CTNNA3: variants seen among roughly 807,000 people sequenced by gnomAD.
CTNNA3 encodes catenin alpha 3, also known as catenin alpha-3.
In CTNNA3, 76 loss-of-function variants were observed where a neutral mutation model predicts 95.7. The observed-to-expected ratio is 0.79, with a 90% CI of 0.66 to 0.96. CTNNA3 has a LOEUF of 0.96. Ranked by LOEUF, CTNNA3 falls within the 40% of genes least tolerant of loss-of-function variation. The pLI, the probability that CTNNA3 is intolerant of heterozygous loss-of-function variation, is 0.00. For missense variants in CTNNA3, 1,191 were observed against 1,089.8 expected (o/e 1.09, Z -1.31); for synonymous variants, 431 against 374.4 (o/e 1.15, Z -1.74).
chr10:67,182,554 C>T lies in CTNNA3; in HGVS notation c.844-2034G>A, dbSNP rs536115938. Among the ~76,000 whole-genome samples, 4 of 152,150 alleles carry T rather than the reference C, an allele frequency of 2.6e-5. No homozygotes were observed. The South Asian group carries it at 8.3e-4, about 32-fold the overall frequency. ...AAATTAATTCAAGAAGGATTAAAGA[C>T]TTACATGTTAGACCTAAAACCATAA... On this transcript the variant is annotated intron_variant, in intron 6 of 17. Transcript: ENST00000433211.
chr10:66,567,413 G>A (rs1402927974), intron 10 of CTNNA3, among the ~76,000 whole-genome samples: 1 of 152,072 alleles, frequency 6.6e-6, no homozygotes, highest in Non-Finnish European at 1.5e-5. Context: ...GAGCCCAGGA[G>A]TTTAAGACCA....
intron 3 of CTNNA3, among the ~76,000 whole-genome samples, chr10:67,585,607 T>C (rs1842597876): frequency 6.6e-6 from 1 of 152,166 alleles, no homozygotes; most frequent in South Asian, 2.1e-4. Context: ...CTAGGTTTTC[T>C]AGTGTGTGAG....
chr10:67,725,725 A>C (rs1023307673), intron 1 of CTNNA3, among the ~76,000 whole-genome samples: 2 of 151,758 alleles, frequency 1.3e-5, no homozygotes, highest in Non-Finnish European at 2.9e-5. Flanking sequence ...CTTATGCCAA[A>C]ACCTATGTTC....
chr10:66,318,306 GTA>G (rs1257511294), intron 12 of CTNNA3, among the ~76,000 whole-genome samples: 3 of 151,054 alleles, frequency 2.0e-5, no homozygotes, highest in Middle Eastern at 3.4e-3. Context: ...GTGTGTGTGT[GTA>G]TGTGTGCACG....
intron 5 of CTNNA3, among the ~76,000 whole-genome samples, chr10:67,420,825 TTTC>T (rs1845722313): frequency 6.6e-6 from 1 of 152,176 alleles, no homozygotes; most frequent in Non-Finnish European, 1.5e-5. Context: ...AAAATAGTTG[TTTC>T]TTATTATTGA....
intron 1 of CTNNA3, among the ~76,000 whole-genome samples, chr10:67,762,786 C>T (rs1349956045): frequency 6.6e-6 from 1 of 152,186 alleles, no homozygotes; most frequent in Non-Finnish European, 1.5e-5. Flanking sequence ...CGACCCCTGA[C>T]CTAATCAGTT....
At chr10:67,299,903 G>C (rs1207411660) in intron 5 of CTNNA3, among the ~76,000 whole-genome samples, 1 of 152,140 alleles carries the variant, frequency 6.6e-6, no homozygotes, top group Non-Finnish European at 1.5e-5. Context: ...GAATTTTTCT[G>C]CCTATATATG....
intron 3 of CTNNA3, among the ~76,000 whole-genome samples, chr10:67,568,465 ATGTG>A (rs61162014): frequency 0.041 from 6,079 of 150,096 alleles, 270 homozygotes; most frequent in African/African-American, 0.1. Flanking sequence ...GTATATATAT[ATGTG>A]TGTGTGTGTG....
At position 67,539,625 on chromosome 10, in the gene CTNNA3, A is replaced by C; in HGVS notation, c.337T>G (p.Cys113Gly). 1 of 1,613,794 alleles carries C rather than the reference A, an allele frequency of 6.2e-7. No homozygotes were observed. Among genetic ancestry groups the C allele is most frequent in the Non-Finnish European group, 8.5e-7 (1 of 1,179,764 alleles). Residue 113 changes from cysteine (C) to glycine (G), a missense_variant, in exon 4 of 18, where the codon TGT (cysteine) becomes GGT (glycine). Coordinates refer to ENST00000433211, the MANE Select transcript of CTNNA3 (RefSeq NM_013266.4). Reference protein sequence around the residue: ...VSAERFTDDPCFLPKREAVVQ... With the variant: ...VSAERFTDDPGFLPKREAVVQ... ...ACAGCCTCCCTTTTTGGGAGAAAAC[A>C]GGGGTCATCTGTAAATCTCTCAGCT... is the stretch of plus-strand genomic sequence containing the variant.
chr10:67,216,964 C>T (rs530507385), intron 6 of CTNNA3, among the ~76,000 whole-genome samples: 9 of 152,166 alleles, frequency 5.9e-5, no homozygotes, highest in African/African-American at 1.9e-4. Context: ...TCCAATAAAT[C>T]AATTGATTTA....
chr10:67,348,695 A>G (rs1441946761), intron 5 of CTNNA3, among the ~76,000 whole-genome samples: 2 of 152,158 alleles, frequency 1.3e-5, no homozygotes, highest in Non-Finnish European at 2.9e-5. Context: ...CAAGGACAGC[A>G]CCAAGATTTT....
chr10:66,292,225 C>T (rs1422130178), intron 12 of CTNNA3, among the ~76,000 whole-genome samples: 1 of 152,034 alleles, frequency 6.6e-6, no homozygotes, highest in Non-Finnish European at 1.5e-5. Context: ...ATCAATCAAT[C>T]ACTATGTCCT....
At chr10:66,429,031 A>G (rs2093271046) in intron 11 of CTNNA3, among the ~76,000 whole-genome samples, 1 of 152,086 alleles carries the variant, frequency 6.6e-6, no homozygotes, top group African/African-American at 2.4e-5. Flanking sequence ...AAGAAAAGAG[A>G]GAAGAATCAA....
chr10:67,367,600 A>G (rs990450332), intron 5 of CTNNA3, among the ~76,000 whole-genome samples: 7 of 152,210 alleles, frequency 4.6e-5, no homozygotes, highest in Non-Finnish European at 7.3e-5. Context: ...ATTCAACCAA[A>G]AAGACACACA....
intron 1 of CTNNA3, among the ~76,000 whole-genome samples, chr10:67,656,062 G>A (rs1468629500): frequency 6.6e-6 from 1 of 152,170 alleles, no homozygotes; most frequent in Non-Finnish European, 1.5e-5. Context: ...GAAGACAACT[G>A]TAATATAAAA....
chr10:66,048,445 C>T (rs1344332898), intron 15 of CTNNA3, among the ~76,000 whole-genome samples: 1 of 152,132 alleles, frequency 6.6e-6, no homozygotes, highest in Non-Finnish European at 1.5e-5. Flanking sequence ...GAAGCCGGAC[C>T]TCTTCCTTAT....
chr10:67,243,465 A>T (rs924007609), intron 5 of CTNNA3, among the ~76,000 whole-genome samples: 4 of 152,178 alleles, frequency 2.6e-5, no homozygotes, highest in Non-Finnish European at 5.9e-5. Context: ...CTTTTTGACC[A>T]ATCTTTTCTC....
At chr10:67,166,007 C>T (rs1861753023) in intron 7 of CTNNA3, among the ~76,000 whole-genome samples, 1 of 152,174 alleles carries the variant, frequency 6.6e-6, no homozygotes, top group African/African-American at 2.4e-5. Context: ...ACCGTCTTGC[C>T]AACTTTGTAT....
At chr10:66,836,524 G>C (rs998542739) in intron 7 of CTNNA3, among the ~76,000 whole-genome samples, 2 of 152,044 alleles carry the variant, frequency 1.3e-5, no homozygotes, top group African/African-American at 2.4e-5. Flanking sequence ...ACTAGAAAAC[G>C]GGATACCATA....
Sources: gnomAD v4.1 joint callset for allele counts (sites outside exome capture counted in the v4.1 genomes callset) on GRCh38, gnomAD v4.1.1 for gene constraint, MANE v1.5 for transcripts, NCBI Gene and HGNC (gene_info 2026-07-23, HGNC 2026-07-21) for gene names.